The following FLNB variants were observed in gnomAD, a reference collection of about 807,000 sequenced individuals.
FLNB encodes the protein filamin B.
In FLNB, 111 loss-of-function variants were observed where a neutral mutation model predicts 250.6. The observed-to-expected ratio is 0.44, with a 90% confidence interval of 0.38 to 0.52. The LOEUF (loss-of-function observed/expected upper bound fraction) is 0.52, where lower values mean the gene tolerates loss of function less well. FLNB is among the 20% of genes least tolerant of loss of function. The probability of loss-of-function intolerance (pLI) is 0.00; values close to 1 mark genes in which losing one functional copy is unlikely to be tolerated. For synonymous variants in FLNB, 1,302 were observed against 1,372.1 expected, an observed-to-expected ratio of 0.95 and a Z score of 1.13; for missense variants, 2,869 against 3,447.8, an observed-to-expected ratio of 0.83 and a Z score of 4.20.
At chr3:58,063,766 G>T (rs1160068120) in intron 1 of FLNB, among the ~76,000 whole-genome samples, 1 of 152,126 alleles carries the variant, frequency 6.6e-6, no homozygotes, top group African/African-American at 2.4e-5. Context: ...AGTTACAGGG[G>T]AAAAATGGAA....
intron 24 of FLNB, 74 bp from the exon 25 acceptor site, chr3:58,130,667 G>C: frequency 6.6e-7 from 1 of 1,506,996 alleles, no homozygotes; most frequent in Non-Finnish European, 9.1e-7. Context: ...GGGAGCAGCA[G>C]TGCTATTCTG....
At chr3:58,154,423 TAG>T (rs2097350150) in intron 39 of FLNB, among the ~76,000 whole-genome samples, 1 of 152,024 alleles carries the variant, frequency 6.6e-6, no homozygotes, top group Non-Finnish European at 1.5e-5. Flanking sequence ...CATGAGCCTG[TAG>T]TCTCAGCTAC....
chr3:58,122,859 C>T (rs1336540580), intron 20 of FLNB, among the ~76,000 whole-genome samples: 1 of 152,086 alleles, frequency 6.6e-6, no homozygotes, highest in Non-Finnish European at 1.5e-5. Context: ...AGGGGCTGCT[C>T]CATGGGGGTC....
At chr3:58,055,925 AG>A (rs2097169635) in intron 1 of FLNB, among the ~76,000 whole-genome samples, 1 of 152,174 alleles carries the variant, frequency 6.6e-6, no homozygotes, top group African/African-American at 2.4e-5. Flanking sequence ...ATTATCATGT[AG>A]CAATGGCATA....
chr3:58,167,200 C>T (rs553935404), intron 43 of FLNB, among the ~76,000 whole-genome samples: 3 of 152,296 alleles, frequency 2.0e-5, no homozygotes, highest in Non-Finnish European at 4.4e-5. Context: ...ACACTGTCTC[C>T]TTGTTGCTCA....
chr3:58,123,261 T>C lies in FLNB; in HGVS notation c.3295T>C (p.Tyr1099His). The part of the protein sequence containing the change: ...DNGDGTCSVS[Y>H]LPTKPGEYFV... ...TGGTGATGGGACCTGCTCCGTCTCT[T>C]ACCTTCCCACAAAACCCGGGGAGTA... Residue 1099 changes from tyrosine (Y) to histidine (H), a missense_variant, in exon 21 of 46, where the codon TAC becomes CAC. Coordinates refer to ENST00000295956, the MANE Select transcript of FLNB (RefSeq NM_001457.4). The C allele has an allele frequency of 6.2e-7, 1 of 1,614,182 alleles. No individual in the cohort carries two copies. The highest frequency in any genetic ancestry group is 8.5e-7 in the Non-Finnish European group (1 of 1,180,026).
At chr3:58,061,750 CAAAA>C (rs574215546) in intron 1 of FLNB, among the ~76,000 whole-genome samples, 3 of 83,016 alleles carry the variant, frequency 3.6e-5, no homozygotes, top group African/African-American at 4.2e-5. Flanking sequence ...CCCTGGCCTC[CAAAA>C]AAAAAAAAAA....
chr3:58,101,404 G>T (rs901579888), intron 8 of FLNB, among the ~76,000 whole-genome samples: 17 of 152,190 alleles, frequency 1.1e-4, no homozygotes, highest in African/African-American at 3.6e-4. Context: ...CTGGGCAGAA[G>T]ATTTATTCTA....
intron 1 of FLNB, among the ~76,000 whole-genome samples, chr3:58,069,954 G>T (rs1178771745): frequency 6.6e-6 from 1 of 151,982 alleles, no homozygotes; most frequent in Non-Finnish European, 1.5e-5. Flanking sequence ...CACATAGCAG[G>T]TACTTAAGTA....
chr3:58,116,448 C>T (rs989007037), intron 18 of FLNB, among the ~76,000 whole-genome samples: 1 of 152,186 alleles, frequency 6.6e-6, no homozygotes, highest in Non-Finnish European at 1.5e-5. Flanking sequence ...GAGGTCCTGC[C>T]TGAGTAACCC....
intron 1 of FLNB, among the ~76,000 whole-genome samples, chr3:58,044,161 A>T (rs921487544): frequency 6.6e-6 from 1 of 152,158 alleles, no homozygotes; most frequent in African/African-American, 2.4e-5. Flanking sequence ...CTGAGAGGTG[A>T]TGAGGCTGGG....
chr3:58,154,843 T>A lies in FLNB; in HGVS notation c.6687T>A (p.Ala2229=). The A allele has an allele frequency of 6.2e-7, 1 of 1,613,978 alleles. No homozygotes were observed. Among genetic ancestry groups the A allele is most frequent in the Non-Finnish European group, 8.5e-7 (1 of 1,179,860 alleles). ...REAGAGGLSI[A]VEGPSKAEIT... The stretch of plus-strand genomic sequence containing the variant: ...CAGGCGCTGGAGGCCTCTCCATCGC[T>A]GTTGAGGGCCCCAGTAAGGCCGAGA... The change falls in exon 40 of 46, where the codon GCT becomes GCA. Residue 2229 remains alanine, a synonymous_variant. Coordinates refer to ENST00000295956, the MANE Select transcript of FLNB (RefSeq NM_001457.4).
At chr3:58,077,978 A>AC (rs544337620) in intron 2 of FLNB, among the ~76,000 whole-genome samples, 148 of 152,264 alleles carry the variant, frequency 9.7e-4, no homozygotes, top group African/African-American at 3.3e-3. Flanking sequence ...TAAAAAAAAA[A>AC]GGTATTAATC....
intron 34 of FLNB, among the ~76,000 whole-genome samples, chr3:58,147,786 G>A (rs965158019): frequency 1.3e-5 from 2 of 152,100 alleles, no homozygotes; most frequent in East Asian, 1.9e-4. Context: ...TCAGCCTCCT[G>A]AATAGCTGGG....
At chr3:58,072,981 A>G (rs933467546) in intron 1 of FLNB, among the ~76,000 whole-genome samples, 2 of 152,202 alleles carry the variant, frequency 1.3e-5, no homozygotes, top group African/African-American at 4.8e-5. Context: ...TCAAATCTGC[A>G]AGTCTGCTTT....
intron 8 of FLNB, among the ~76,000 whole-genome samples, chr3:58,101,833 C>G (rs1228211485): frequency 6.6e-6 from 1 of 152,194 alleles, no homozygotes; most frequent in Non-Finnish European, 1.5e-5. Flanking sequence ...CCAGTCTATC[C>G]AATTACTGAG....
At chr3:58,071,274 C>CTTTTT (rs57488190) in intron 1 of FLNB, among the ~76,000 whole-genome samples, 11 of 81,600 alleles carry the variant, frequency 1.3e-4, no homozygotes, top group Non-Finnish European at 1.9e-4. Flanking sequence ...CTCCTCGATT[C>CTTTTT]TTTTTTTTTT....
In FLNB at chr3:58,109,275, A is replaced by G; in HGVS notation, c.2152A>G (p.Ile718Val). The part of the protein sequence containing the change: ...YTPVKAIKHT[I>V]AVVWGGVNIP... ...CCCGGTGAAGGCCATCAAGCACACC[A>G]TTGCTGTGGTCTGGGGAGGCGTGAA... The change falls in exon 14 of 46, where the codon ATT becomes GTT. Residue 718 changes from isoleucine (I) to valine (V), a missense_variant. Around this residue, in one of 5 missense-constraint regions of FLNB, gnomAD observed 1,348 missense variants for 1,466.7 expected, o/e 0.92. Coordinates refer to ENST00000295956, the MANE Select transcript of FLNB (RefSeq NM_001457.4). 14 of 1,614,234 alleles carry G rather than the reference A, an allele frequency of 8.7e-6. No homozygotes were observed. The highest frequency in any genetic ancestry group is 1.1e-5 in the Non-Finnish European group (13 of 1,180,040).
chr3:58,077,614 G>A (rs1220524283), intron 2 of FLNB, among the ~76,000 whole-genome samples: 2 of 152,196 alleles, frequency 1.3e-5, no homozygotes, highest in African/African-American at 4.8e-5. Context: ...CCACATTGGT[G>A]CTCAGTTTCT....
Sources: allele counts gnomAD v4.1 joint callset (sites outside exome capture counted in the v4.1 genomes callset), GRCh38; gene constraint gnomAD v4.1.1; regional missense constraint gnomAD v4.1.1; transcripts MANE v1.5; gene names NCBI Gene and HGNC (gene_info 2026-07-23, HGNC 2026-07-21).